KALRN: variants seen among roughly 807,000 people sequenced by gnomAD.
KALRN encodes the protein kalirin.
In KALRN, 70 loss-of-function variants were observed where a neutral mutation model predicts 353.7. The ratio of observed to expected loss-of-function variants is 0.20; its 90% CI spans 0.16 to 0.24. The LOEUF (loss-of-function observed/expected upper bound fraction) is 0.24. Among genes scored for constraint, KALRN ranks in the 10% least tolerant of loss-of-function variants. The probability of loss-of-function intolerance (pLI) is 1.00; values close to 1 mark genes in which losing one functional copy is unlikely to be tolerated. For synonymous variants in KALRN, 1,391 were observed against 1,434.8 expected (o/e 0.97, Z 0.69); for missense variants, 2,791 against 3,756.7 (o/e 0.74, Z 6.72).
intron 14 of KALRN, among the ~76,000 whole-genome samples, chr3:124,420,827 C>G (rs1246264221): frequency 6.6e-6 from 1 of 152,142 alleles, no homozygotes; most frequent in East Asian, 1.9e-4. Context: ...CTTATACTTC[C>G]CCAACTATAT....
chr3:124,649,779 C>A (rs980630776), intron 37 of KALRN, among the ~76,000 whole-genome samples: 3 of 146,818 alleles, frequency 2.0e-5, no homozygotes, highest in African/African-American at 7.6e-5. Flanking sequence ...TAGAGTGAGA[C>A]CCTGTCTCAA....
intron 10 of KALRN, among the ~76,000 whole-genome samples, chr3:124,372,495 A>ATGATG (rs1016599140): frequency 2.0e-5 from 3 of 151,904 alleles, no homozygotes; most frequent in Admixed American, 1.3e-4. Context: ...TATCTATAAT[A>ATGATG]TAATAGCATA....
chr3:124,285,057 A>G (rs2075704959), intron 5 of KALRN, among the ~76,000 whole-genome samples: 1 of 152,234 alleles, frequency 6.6e-6, no homozygotes, highest in South Asian at 2.1e-4. Flanking sequence ...AGGGAGAAAC[A>G]CAGACATTGA....
intron 10 of KALRN, among the ~76,000 whole-genome samples, chr3:124,350,596 C>T (rs1231850320): frequency 1.3e-5 from 2 of 152,088 alleles, no homozygotes; most frequent in Non-Finnish European, 2.9e-5. Flanking sequence ...TGCCCATTTG[C>T]TTATGGGAAG....
intron 26 of KALRN, among the ~76,000 whole-genome samples, 153 bp from the exon 27 acceptor site, chr3:124,477,092 G>A (rs1325172477): frequency 1.3e-5 from 2 of 152,208 alleles, no homozygotes; most frequent in Non-Finnish European, 2.9e-5. Context: ...GGGGACCATG[G>A]GGGCTGGATG....
At position 124,719,626 on chromosome 3, in the gene KALRN, C is replaced by T; in HGVS notation, c.*156C>T. 1 of 722,028 alleles carries T rather than the reference C, an allele frequency of 1.4e-6. No individual in the cohort carries two copies. Among genetic ancestry groups the T allele is most frequent in the Non-Finnish European group, 2.2e-6 (1 of 448,848 alleles). The allele number at this position is 722,028 out of a possible 1,614,324, so 44.7% of individuals were successfully genotyped here. Reference sequence around the variant, plus strand: ...AACCTCGTCAGTGGTTATTCAGGGTCTGAGCAGCAGTAAAAGTCACCCTAA... The same window carrying T: ...AACCTCGTCAGTGGTTATTCAGGGTTTGAGCAGCAGTAAAAGTCACCCTAA... On this transcript the variant is annotated 3_prime_UTR_variant, in exon 60 of 60. Transcript: ENST00000682506. The surrounding 1 kb of genome is among the most constrained non-coding windows in gnomAD (Gnocchi z 5.3).
chr3:124,141,160 T>TCAGA (rs2066571933), intron 1 of KALRN, among the ~76,000 whole-genome samples: 1 of 152,292 alleles, frequency 6.6e-6, no homozygotes, highest in African/African-American at 2.4e-5. Context: ...CATCCCTAAT[T>TCAGA]CAGACTCTCT....
intron 1 of KALRN, among the ~76,000 whole-genome samples, chr3:124,201,906 C>T (rs1477191822): frequency 2.0e-5 from 3 of 152,220 alleles, no homozygotes; most frequent in African/African-American, 4.8e-5. Context: ...GGAGCCCTGA[C>T]CAGCAGCTGC....
At chr3:124,148,134 A>G (rs2067605602) in intron 1 of KALRN, among the ~76,000 whole-genome samples, 1 of 152,224 alleles carries the variant, frequency 6.6e-6, no homozygotes, top group African/African-American at 2.4e-5. Context: ...GCAGGGATGT[A>G]GTCGGCTCCC....
chr3:124,128,884 T>G (rs2064980084), intron 1 of KALRN, among the ~76,000 whole-genome samples: 2 of 152,180 alleles, frequency 1.3e-5, no homozygotes, highest in Non-Finnish European at 2.9e-5. Flanking sequence ...TGTGTGCTTG[T>G]TCCCTGTCCC....
At position 124,699,896 on chromosome 3, in the gene KALRN, C is replaced by T; in HGVS notation, c.7859C>T (p.Ala2620Val). ...TCTCAGATCTGGCAGCAGTCAGTGGCTTCGACCTTGGACACTTACCTCGTC... is the reference window on the plus strand; with the variant it reads ...TCTCAGATCTGGCAGCAGTCAGTGGTTTCGACCTTGGACACTTACCTCGTC... ...EGSQIWQQSV[A>V]STLDTYLVIE... Residue 2620 changes from alanine (A) to valine (V), a missense_variant, in exon 56 of 60, where the codon GCT becomes GTT. Physicochemically the swap from Ala to Val is moderately conservative, Grantham distance 64. Around this residue, in one of 11 missense-constraint regions of KALRN, gnomAD observed 1,065 missense variants for 1,156.4 expected, o/e 0.92. Coordinates refer to ENST00000682506, the MANE Select transcript of KALRN (RefSeq NM_001388419.1). The T allele has an allele frequency of 6.2e-7, 1 of 1,614,240 alleles. No homozygotes were observed. The highest frequency in any genetic ancestry group is 8.5e-7 in the Non-Finnish European group (1 of 1,180,038).
intron 14 of KALRN, among the ~76,000 whole-genome samples, chr3:124,417,495 C>G (rs766750876): frequency 6.6e-6 from 1 of 152,218 alleles, no homozygotes; most frequent in Non-Finnish European, 1.5e-5. Flanking sequence ...GTTAAGTTCT[C>G]TCTTTATACA....
rs144708370 is a variant in KALRN, at chr3:124,306,584, A to G, written c.1092+7671A>G. On this transcript the variant is annotated intron_variant, in intron 6 of 59. Coordinates refer to ENST00000682506, the MANE Select transcript of KALRN (RefSeq NM_001388419.1). The stretch of plus-strand genomic sequence containing the variant: ...AGAAACAGAAAAAAATTATTAAATT[A>G]TTAGATGAAATAGTGGCTGAAATCT... Among the ~76,000 whole-genome samples the G allele has an allele frequency of 4.4e-3, 673 of 152,316 alleles. 5 individuals carry two copies. The highest frequency in any genetic ancestry group is 0.016 in the African/African-American group (650 of 41,582).
intron 1 of KALRN, among the ~76,000 whole-genome samples, chr3:124,043,596 G>GGA (rs1346648871): frequency 1.3e-5 from 2 of 152,108 alleles, no homozygotes; most frequent in African/African-American, 4.8e-5. Flanking sequence ...GACAGCTCCA[G>GGA]GAGAGAGAGC....
At position 124,455,191 on chromosome 3, in the gene KALRN, G is replaced by A. The variant is rs957937240; in HGVS notation, c.3567G>A (p.Lys1189=). The A allele has an allele frequency of 1.2e-6, 2 of 1,614,130 alleles. No homozygotes were observed. Among genetic ancestry groups the A allele is most frequent in the Non-Finnish European group, 1.7e-6 (2 of 1,180,008 alleles). ...FRVPAKQTKE[K]VKLLIQLADS... ...TTTTGGGGCAGCAAACAAAGGAGAA[G>A]GTGAAGCTTCTGATTCAGCTGGCCG... is the stretch of plus-strand genomic sequence containing the variant. Residue 1189 remains lysine, a synonymous_variant, in exon 22 of 60, where the codon AAG becomes AAA. Transcript: ENST00000682506.
chr3:124,543,552 C>T (rs753125509), intron 33 of KALRN, among the ~76,000 whole-genome samples: 1 of 152,106 alleles, frequency 6.6e-6, no homozygotes, highest in Non-Finnish European at 1.5e-5. Context: ...CCGCCCACCT[C>T]GGCCTCCCAA....
At chr3:124,644,496 G>C (rs1342088603) in intron 37 of KALRN, among the ~76,000 whole-genome samples, 1 of 151,832 alleles carries the variant, frequency 6.6e-6, no homozygotes, top group Non-Finnish European at 1.5e-5. Context: ...CCCCAGACAG[G>C]CCCCAGTGTG....
chr3:124,697,713 A>G lies in KALRN; in HGVS notation c.7820A>G (p.Tyr2607Cys). 1 of 1,577,962 alleles carries G rather than the reference A, an allele frequency of 6.3e-7. No individual in the cohort carries two copies. The highest frequency in any genetic ancestry group is 8.6e-7 in the Non-Finnish European group (1 of 1,162,600). The change falls in exon 55 of 60, where the codon TAC becomes TGC. Residue 2607 changes from tyrosine (Y) to cysteine (C), a missense_variant. Transcript: ENST00000682506. ...ACTATTTCTGGTTACACTGTGGAGT[A>G]CAGAGAGGAAGGTGCACTATCTCCT... ...NCTISGYTVE[Y>C]REEGSQIWQQ...
At chr3:124,520,727 G>T (rs761173672) in intron 33 of KALRN, among the ~76,000 whole-genome samples, 1 of 152,180 alleles carries the variant, frequency 6.6e-6, no homozygotes, top group African/African-American at 2.4e-5. Flanking sequence ...TGGCTTAAAG[G>T]CTTCATAAAA....
Sources: gnomAD v4.1 joint callset for allele counts (sites outside exome capture counted in the v4.1 genomes callset) on GRCh38, gnomAD v4.1.1 for gene constraint, gnomAD v4.1.1 regional missense constraint, Gnocchi (gnomAD v3.1) non-coding constraint, MANE v1.5 for transcripts, NCBI Gene and HGNC (gene_info 2026-07-23, HGNC 2026-07-21) for gene names.